Variants in PCDHA10 observed in about 807,000 individuals in gnomAD.
The protein encoded by PCDHA10 is protocadherin alpha 10, also known as protocadherin alpha-10.
PCDHA10 carries 45 observed loss-of-function variants against 61.2 expected under a neutral mutation model. The ratio of observed to expected loss-of-function variants is 0.74; its 90% CI spans 0.58 to 0.94. PCDHA10 has a LOEUF of 0.94. Among genes scored for constraint, PCDHA10 ranks in the 40% least tolerant of loss-of-function variants. The pLI is 0.00. For missense variants in PCDHA10, 1,278 were observed against 1,236.2 expected, an observed-to-expected ratio of 1.03 and a Z score of -0.51; for synonymous variants, 602 against 548.8, an observed-to-expected ratio of 1.10 and a Z score of -1.35.
chr5:140,972,290 C>T (rs1331683497), intron 1 of PCDHA10, among the ~76,000 whole-genome samples: 1 of 151,820 alleles, frequency 6.6e-6, no homozygotes, highest in African/African-American at 2.4e-5. Flanking sequence ...TAGATGTGCG[C>T]CACCGTGTCT....
chr5:140,883,761 G>C, intron 1 of PCDHA10: 1 of 1,612,908 alleles, frequency 6.2e-7, no homozygotes, highest in Non-Finnish European at 8.5e-7. Flanking sequence ...GTGGAGCGGC[G>C]GGTGGGCGAG....
intron 1 of PCDHA10, among the ~76,000 whole-genome samples, chr5:140,976,450 C>T (rs2096717096): frequency 6.6e-6 from 1 of 152,040 alleles, no homozygotes; most frequent in South Asian, 2.1e-4. Flanking sequence ...ACTAGGGAGG[C>T]TGGGGAAGAA....
chr5:140,912,381 A>G (rs1554195316), intron 1 of PCDHA10, among the ~76,000 whole-genome samples: 2 of 150,140 alleles, frequency 1.3e-5, no homozygotes, highest in African/African-American at 4.9e-5. Context: ...AAAGGGATTG[A>G]GTTCTTAATT....
At position 141,009,879 on chromosome 5, in the gene PCDHA10, A is replaced by G; in HGVS notation, c.2789A>G (p.Asn930Ser). Reference protein sequence around the residue: ...TKKKKKKKKGNKTQEKKEKGN... With the variant: ...TKKKKKKKKGSKTQEKKEKGN... ...AAAAAGAAGAAAAAGAAGAAGGGTA[A>G]CAAGACCCAGGAGAAAAAAGAGAAA... Residue 930 changes from asparagine (N) to serine (S), a missense_variant, in exon 4 of 4, where the codon AAC (asparagine) becomes AGC (serine). Asn to Ser is a conservative substitution (Grantham distance 46). Coordinates refer to ENST00000307360, the MANE Select transcript of PCDHA10 (RefSeq NM_018901.4). 12 of 1,613,884 alleles carry G rather than the reference A, an allele frequency of 7.4e-6. No individual in the cohort carries two copies. Among genetic ancestry groups the G allele is most frequent in the Non-Finnish European group, 1.0e-5 (12 of 1,179,984 alleles).
chr5:140,954,698 A>C (rs185399105), intron 1 of PCDHA10, among the ~76,000 whole-genome samples: 5 of 152,208 alleles, frequency 3.3e-5, no homozygotes, highest in African/African-American at 1.2e-4. Context: ...TAGACTACAA[A>C]ATTTTTCTCC....
intron 1 of PCDHA10, among the ~76,000 whole-genome samples, chr5:140,873,178 T>C (rs2054146585): frequency 6.6e-6 from 1 of 152,190 alleles, no homozygotes; most frequent in Non-Finnish European, 1.5e-5. Context: ...TTTTGTATCA[T>C]AATATTCATT....
intron 1 of PCDHA10, among the ~76,000 whole-genome samples, chr5:140,871,977 C>T (rs533366368): frequency 6.6e-6 from 1 of 152,288 alleles, no homozygotes; most frequent in East Asian, 1.9e-4. Flanking sequence ...CTATGATGTC[C>T]AGGTTGGACT....
chr5:140,916,747 G>A (rs1445361224), intron 1 of PCDHA10, among the ~76,000 whole-genome samples: 1 of 152,220 alleles, frequency 6.6e-6, no homozygotes, highest in Non-Finnish European at 1.5e-5. Context: ...TTCACTGCCT[G>A]GGATTAGGGG....
chr5:140,995,346 A>G (rs2097678208), intron 3 of PCDHA10, among the ~76,000 whole-genome samples: 2 of 151,964 alleles, frequency 1.3e-5, no homozygotes, highest in South Asian at 4.2e-4. Context: ...GACGGCATGG[A>G]TAGGTCGGAC....
In PCDHA10 at chr5:141,010,329, G is replaced by C; in HGVS notation, c.*392G>C. On this transcript the variant is annotated 3_prime_UTR_variant, in exon 4 of 4. Coordinates refer to ENST00000307360, the MANE Select transcript of PCDHA10 (RefSeq NM_018901.4). ...AGTTTTGAGATTGAGCAGCTTGGGAGTTTGTGGCCACTGGGTATGTGTGGC... is the reference window on the plus strand; with the variant it reads ...AGTTTTGAGATTGAGCAGCTTGGGACTTTGTGGCCACTGGGTATGTGTGGC... 6.5e-7 allele frequency: 1 copy of C among 1,538,672 alleles called. No individual in the cohort carries two copies. Among genetic ancestry groups the C allele is most frequent in the Non-Finnish European group, 8.8e-7 (1 of 1,142,532 alleles).
chr5:140,858,642 T>C, intron 1 of PCDHA10: 1 of 930,744 alleles, frequency 1.1e-6, no homozygotes, highest in South Asian at 1.9e-5. Context: ...CTTTGATTGG[T>C]ACTTAAATTT....
rs1554151795 is a variant in PCDHA10, at chr5:140,858,568, T to C, written c.2388+132T>C. On this transcript the variant is annotated intron_variant, in intron 1 of 3. Transcript: ENST00000307360. ...ATTTATGCTTGAATATTTCTAGTGA[T>C]ACCTTTGTAATATAATTTATTCCAG... 5.8e-6 allele frequency: 8 copies of C among 1,371,312 alleles called. 1 individual carries two copies. Among genetic ancestry groups the C allele is most frequent in the African/African-American group, 5.8e-5 (4 of 69,536 alleles). 84.9% of individuals were successfully genotyped at this position (1,371,312 alleles called of 1,614,324 possible).
At chr5:140,926,946 A>C in intron 1 of PCDHA10, 1 of 1,590,228 alleles carries the variant, frequency 6.3e-7, no homozygotes, top group Non-Finnish European at 8.6e-7. Context: ...GCGGCGCTGC[A>C]GCGGGACAGC....
chr5:141,005,417 T>G (rs1323051159), intron 3 of PCDHA10, among the ~76,000 whole-genome samples: 2 of 152,062 alleles, frequency 1.3e-5, no homozygotes, highest in African/African-American at 4.8e-5. Context: ...TGAGGAGTCA[T>G]GCTAAGAATG....
At chr5:140,875,597 G>T in intron 1 of PCDHA10, 1 of 1,613,960 alleles carries the variant, frequency 6.2e-7, no homozygotes, top group African/African-American at 1.3e-5. Flanking sequence ...GCCAAACACG[G>T]CACCTTCGTG....
chr5:140,997,984 A>G (rs1004761154), intron 3 of PCDHA10, among the ~76,000 whole-genome samples: 4 of 152,188 alleles, frequency 2.6e-5, no homozygotes, highest in Admixed American at 2.6e-4. Context: ...TGCACTTGTT[A>G]CATACTTCCC....
intron 3 of PCDHA10, among the ~76,000 whole-genome samples, chr5:140,984,583 T>C (rs2097109355): frequency 6.6e-6 from 1 of 152,200 alleles, no homozygotes; most frequent in South Asian, 2.1e-4. Context: ...AACCTAATCA[T>C]ACTTTTCAAT....
intron 1 of PCDHA10, chr5:140,876,109 A>T: frequency 6.2e-7 from 1 of 1,613,946 alleles, no homozygotes; most frequent in Non-Finnish European, 8.5e-7. Context: ...TTTATTGCTG[A>T]TGGTAATCGA....
At chr5:140,982,360 AG>A in intron 2 of PCDHA10, 114 bp from the exon 3 acceptor site, 1 of 1,527,158 alleles carries the variant, frequency 6.5e-7, no homozygotes, top group Non-Finnish European at 8.8e-7. Context: ...AAGCATGAGC[AG>A]AATGTGTTAG....
Sources: gnomAD v4.1 joint callset for allele counts (sites outside exome capture counted in the v4.1 genomes callset) on GRCh38, gnomAD v4.1.1 for gene constraint, MANE v1.5 for transcripts, NCBI Gene and HGNC (gene_info 2026-07-23, HGNC 2026-07-21) for gene names.